Variants in INSL6 observed in about 807,000 individuals in gnomAD.
The protein encoded by INSL6 is insulin-like peptide INSL6.
In INSL6, 16 loss-of-function variants were observed where a neutral mutation model predicts 9.4. The observed-to-expected ratio is 1.70, with a 90% CI of 1.15 to 2.59. The LOEUF (loss-of-function observed/expected upper bound fraction) is 2.59, where lower values mean the gene tolerates loss of function less well. Ranked by LOEUF, INSL6 falls within the 30% of genes most tolerant of loss-of-function variation. The pLI, the probability that INSL6 is intolerant of heterozygous loss-of-function variation, is 0.00. For missense variants in INSL6, 391 were observed against 257.3 expected (o/e 1.52, Z -3.56); for synonymous variants, 154 against 96.9 (o/e 1.59, Z -3.46).
rs182441265 is a variant in INSL6, at chr9:5,182,418, G to C, written c.289+2896C>G. 3.5e-3 allele frequency among the ~76,000 whole-genome samples: 533 copies of C among 152,024 alleles called. 3 individuals are homozygous for C. Among genetic ancestry groups the C allele is most frequent in the Middle Eastern group, 0.014 (4 of 292 alleles). ...AGGAGGAGAATGGGAGTGGAGAAAG[G>C]GGCTAAGTGAGGATAATCACCTTCT... On this transcript the variant is annotated intron_variant, in intron 1 of 1. Transcript: ENST00000381641.
downstream of INSL6, among the ~76,000 whole-genome samples, chr9:5,160,530 A>C (rs560207403): frequency 2.6e-5 from 4 of 152,292 alleles, no homozygotes; most frequent in East Asian, 7.7e-4. Flanking sequence ...CTAATGATAC[A>C]CCTTAAAGAA....
chr9:5,175,764 A>G (rs996089135), intron 1 of INSL6, among the ~76,000 whole-genome samples: 1 of 152,108 alleles, frequency 6.6e-6, no homozygotes, highest in Admixed American at 6.5e-5. Context: ...CACGCTCCTT[A>G]TGAGAATCTA....
At chr9:5,137,924 T>C (rs962198399) in intron 2 of INSL6, among the ~76,000 whole-genome samples, 1 of 151,534 alleles carries the variant, frequency 6.6e-6, no homozygotes, top group East Asian at 1.9e-4. Flanking sequence ...AGGTGAAGGA[T>C]ATGAACAGAC....
At chr9:5,086,671 T>C in the INSL6 span, among the ~76,000 whole-genome samples, 1 of 152,236 alleles carries the variant, frequency 6.6e-6, no homozygotes, top group African/African-American at 2.4e-5. Flanking sequence ...TATAATCCCA[T>C]GTAATAACCT....
the INSL6 span, chr9:5,112,908 C>G: frequency 3.3e-6 from 1 of 300,738 alleles, no homozygotes; most frequent in East Asian, 7.1e-5. Context: ...GGGCCCAGAA[C>G]GCCCACTTGA....
chr9:5,088,377 C>T, the INSL6 span, among the ~76,000 whole-genome samples: 1 of 152,100 alleles, frequency 6.6e-6, no homozygotes, highest in Non-Finnish European at 1.5e-5. Context: ...TCTTGTAACT[C>T]AAGAACTACA....
the INSL6 span, chr9:5,108,394 T>C: frequency 6.6e-6 from 1 of 152,152 alleles, no homozygotes; most frequent in African/African-American, 2.4e-5. Flanking sequence ...GTAGGGTCCC[T>C]TCCTCTACTT....
the INSL6 span, among the ~76,000 whole-genome samples, chr9:5,050,477 C>G: frequency 6.6e-6 from 1 of 152,076 alleles, no homozygotes; most frequent in African/African-American, 2.4e-5. Context: ...TGCCATGTTG[C>G]CCAGGCTGGT....
chr9:5,078,885 CTT>C, the INSL6 span, among the ~76,000 whole-genome samples: 1 of 152,028 alleles, frequency 6.6e-6, no homozygotes, highest in Non-Finnish European at 1.5e-5. Context: ...CTTAAAAAAA[CTT>C]TGATTTGTGT....
chr9:5,022,390 A>G, the INSL6 span, among the ~76,000 whole-genome samples: 1 of 152,138 alleles, frequency 6.6e-6, no homozygotes, highest in African/African-American at 2.4e-5. Flanking sequence ...TTTATGGTGA[A>G]TCTGCCTTGG....
At chr9:5,041,137 C>T in the INSL6 span, 3 of 1,029,902 alleles carry the variant, frequency 2.9e-6, no homozygotes, top group Non-Finnish European at 4.4e-6. Flanking sequence ...TCCTGATCGC[C>T]ATCCGGCTGA....
At chr9:4,996,574 T>C in the INSL6 span, among the ~76,000 whole-genome samples, 4 of 152,100 alleles carry the variant, frequency 2.6e-5, no homozygotes, top group Non-Finnish European at 5.9e-5. Flanking sequence ...TTTGGTTTTT[T>C]TGAGGAGGGG....
At chr9:5,073,759 A>G in the INSL6 span, 1 of 1,611,158 alleles carries the variant, frequency 6.2e-7, no homozygotes, top group Non-Finnish European at 8.5e-7. Flanking sequence ...GTTTTAAATT[A>G]TGGAGTATGT....
At chr9:5,073,283 G>T in the INSL6 span, among the ~76,000 whole-genome samples, 1 of 152,202 alleles carries the variant, frequency 6.6e-6, no homozygotes, top group Non-Finnish European at 1.5e-5. Flanking sequence ...TCCTGACACA[G>T]ATGTCGTGAT....
At chr9:4,997,459 A>G in the INSL6 span, among the ~76,000 whole-genome samples, 1 of 152,158 alleles carries the variant, frequency 6.6e-6, no homozygotes, top group Non-Finnish European at 1.5e-5. Flanking sequence ...GGGAAGGTGC[A>G]CACACTTTTA....
At chr9:5,069,953 G>A in the INSL6 span, 332 of 1,602,080 alleles carry the variant, frequency 2.1e-4, 5 homozygotes, top group South Asian at 2.7e-3. Flanking sequence ...TCTTCAGAAC[G>A]AATGGTGTTT....
At chr9:5,030,147 T>A in the INSL6 span, among the ~76,000 whole-genome samples, 4 of 152,204 alleles carry the variant, frequency 2.6e-5, no homozygotes, top group Admixed American at 2.6e-4. Context: ...TAACTCCTTA[T>A]GATTATAATT....
intron 1 of INSL6, among the ~76,000 whole-genome samples, chr9:5,183,718 A>C (rs536203857): frequency 1.3e-5 from 2 of 152,286 alleles, no homozygotes; most frequent in South Asian, 2.1e-4. Context: ...TAAAGCAGAA[A>C]GGGAAGGCTC....
At chr9:5,145,359 A>T (rs1824581961) in intron 2 of INSL6, among the ~76,000 whole-genome samples, 1 of 152,068 alleles carries the variant, frequency 6.6e-6, no homozygotes, top group Non-Finnish European at 1.5e-5. Flanking sequence ...TTTATAGGTG[A>T]CCTGGCCTTT....
Sources: gnomAD v4.1 joint callset for allele counts (sites outside exome capture counted in the v4.1 genomes callset) on GRCh38, gnomAD v4.1.1 for gene constraint, MANE v1.5 for transcripts, NCBI Gene and HGNC (gene_info 2026-07-23, HGNC 2026-07-21) for gene names.